The following PBX1 variants were observed in gnomAD, a reference collection of about 807,000 sequenced individuals.
PBX1 encodes pre-B-cell leukemia transcription factor 1.
Under a neutral mutation model 53.4 loss-of-function variants are expected in PBX1, and 6 were observed. The ratio of observed to expected loss-of-function variants is 0.11; its 90% CI spans 0.06 to 0.22. The LOEUF is 0.22. PBX1 is among the 10% of genes least tolerant of loss of function. PBX1 has a pLI of 1.00. For synonymous variants in PBX1, 204 were observed against 212.3 expected (o/e 0.96, Z 0.34); for missense variants, 251 against 551.4 (o/e 0.46, Z 5.46).
At chr1:164,807,718 T>C (rs778836069) in intron 5 of PBX1, 41 bp downstream of exon 5, 1 of 1,606,746 alleles carries the variant, frequency 6.2e-7, no homozygotes, top group Non-Finnish European at 8.5e-7. Context: ...AGCCTGGCCA[T>C]GGCGGGGCCT....
At chr1:164,701,972 G>A (rs1376550575) in intron 2 of PBX1, among the ~76,000 whole-genome samples, 1 of 152,172 alleles carries the variant, frequency 6.6e-6, no homozygotes, top group Non-Finnish European at 1.5e-5. Flanking sequence ...TAGACAAAGT[G>A]CATGAAGGGG....
chr1:164,647,474 C>T (rs1317908588), intron 2 of PBX1, among the ~76,000 whole-genome samples: 1 of 152,144 alleles, frequency 6.6e-6, no homozygotes, highest in Non-Finnish European at 1.5e-5. Flanking sequence ...TGTCAGCCTC[C>T]TCCATGAAAT....
intron 2 of PBX1, among the ~76,000 whole-genome samples, chr1:164,598,480 A>G (rs1044446548): frequency 6.6e-6 from 1 of 152,142 alleles, no homozygotes; most frequent in Non-Finnish European, 1.5e-5. Flanking sequence ...TTGTGGATGG[A>G]TGACTACCGG....
chr1:164,863,877 A>T (rs925466835), intron 2 of PBX1, among the ~76,000 whole-genome samples: 1 of 152,202 alleles, frequency 6.6e-6, no homozygotes, highest in Non-Finnish European at 1.5e-5. Flanking sequence ...CATGCCCCAG[A>T]GCACCTGCAC....
chr1:164,847,947 T>C lies in PBX1; in HGVS notation c.*1271T>C. On this transcript the variant is annotated 3_prime_UTR_variant, in exon 9 of 9. Coordinates refer to ENST00000420696, the MANE Select transcript of PBX1 (RefSeq NM_002585.4). ...AGCCCCATACAGTACTTACAATGTCTTTAATGGACTTGATTCTGTTTAATT... is the reference window on the plus strand; with the variant it reads ...AGCCCCATACAGTACTTACAATGTCCTTAATGGACTTGATTCTGTTTAATT... 1 of 1,052,912 alleles carries C rather than the reference T, an allele frequency of 9.5e-7. No homozygotes were observed. The highest frequency in any genetic ancestry group is 1.1e-6 in the Non-Finnish European group (1 of 871,518). 65.2% of individuals were successfully genotyped at this position (1,052,912 alleles called of 1,614,324 possible).
At position 164,559,264 on chromosome 1, in the gene PBX1, C is replaced by A. The variant is rs530704049; in HGVS notation, c.-559C>A. 1.6e-4 allele frequency: 29 copies of A among 182,712 alleles called. No homozygotes were observed. Among genetic ancestry groups the A allele is most frequent in the African/African-American group, 6.7e-4 (28 of 41,620 alleles). The allele number at this position is 182,712 out of a possible 1,614,324, so 11.3% of individuals were successfully genotyped here. On this transcript the variant is annotated 5_prime_UTR_variant, in exon 1 of 9. Transcript: ENST00000420696. ...AGAGAGCCTGTGCTTTGCCTGCCGC[C>A]GCGGCTGGGGGAGATCTGGCTTTTG...
At chr1:164,561,762 T>C (rs1653065862) in intron 1 of PBX1, among the ~76,000 whole-genome samples, 2 of 152,128 alleles carry the variant, frequency 1.3e-5, no homozygotes, top group Admixed American at 6.6e-5. Context: ...AGATACAATT[T>C]TGGGATGGGG....
chr1:164,744,625 G>A (rs572704598), intron 2 of PBX1, among the ~76,000 whole-genome samples: 1 of 152,284 alleles, frequency 6.6e-6, no homozygotes, highest in African/African-American at 2.4e-5. Context: ...CTAGAAGAGT[G>A]CCTGGCACAG....
At chr1:164,867,826 C>T (rs140990823) in intron 2 of PBX1, among the ~76,000 whole-genome samples, 105 of 152,360 alleles carry the variant, frequency 6.9e-4, no homozygotes, top group African/African-American at 2.2e-3. Flanking sequence ...GCAATATCAG[C>T]GCGGCCCAGC....
chr1:164,559,801 G>A lies in PBX1; in HGVS notation c.-22G>A, dbSNP rs1364129043. The A allele has an allele frequency of 2.0e-6, 3 of 1,527,188 alleles. No homozygotes were observed. The highest frequency in any genetic ancestry group is 2.6e-6 in the Non-Finnish European group (3 of 1,135,222). The allele number at this position is 1,527,188 out of a possible 1,614,324, so 94.6% of individuals were successfully genotyped here. On this transcript the variant is annotated 5_prime_UTR_variant, in exon 1 of 9. Coordinates refer to ENST00000420696, the MANE Select transcript of PBX1 (RefSeq NM_002585.4). ...CCGAGGAGCAGAAGAGGAAGAGCCG[G>A]GGGCTGCCGTAGCCTTTGGAGATGG...
chr1:164,680,408 T>G (rs552007181), intron 2 of PBX1: 1 of 152,222 alleles, frequency 6.6e-6, no homozygotes. Flanking sequence ...AATTTTTGAT[T>G]CAGTGGGTAC....
intron 8 of PBX1, among the ~76,000 whole-genome samples, chr1:164,842,210 G>A (rs1281956608): frequency 6.6e-6 from 1 of 152,148 alleles, no homozygotes; most frequent in Non-Finnish European, 1.5e-5. Flanking sequence ...GGTTCAAGGA[G>A]GGTGGTAGAG....
intron 2 of PBX1, among the ~76,000 whole-genome samples, chr1:164,646,896 G>T (rs1183488055): frequency 1.3e-5 from 2 of 152,170 alleles, no homozygotes; most frequent in Non-Finnish European, 2.9e-5. Flanking sequence ...ACTGCCCACC[G>T]CAAACACATG....
chr1:164,614,118 A>G (rs6672521), intron 2 of PBX1, among the ~76,000 whole-genome samples: 9,846 of 152,228 alleles, frequency 0.065, 854 homozygotes, highest in East Asian at 0.4. Context: ...TCGGGAGGCA[A>G]AGTACAATTC....
chr1:164,792,779 G>T (rs748819934), intron 3 of PBX1, 41 bp downstream of exon 3: 160 of 1,469,834 alleles, frequency 1.1e-4, no homozygotes, highest in Non-Finnish European at 4.9e-5. Context: ...AGGCCCTTTA[G>T]GAAAGGGTGG....
chr1:164,610,445 G>A (rs190725498), intron 2 of PBX1, among the ~76,000 whole-genome samples: 3 of 152,252 alleles, frequency 2.0e-5, no homozygotes, highest in Admixed American at 6.5e-5. Context: ...TAAAAGCAGA[G>A]TTTAGCAGTG....
intron 2 of PBX1, chr1:164,772,886 G>C (rs1667445228): frequency 6.6e-6 from 1 of 152,258 alleles, no homozygotes; most frequent in Non-Finnish European, 1.5e-5. Flanking sequence ...TGCTGACTCA[G>C]ACCCAGAGAG....
At chr1:164,591,165 C>G (rs1174570974) in intron 2 of PBX1, among the ~76,000 whole-genome samples, 1 of 152,130 alleles carries the variant, frequency 6.6e-6, no homozygotes, top group African/African-American at 2.4e-5. Flanking sequence ...GCATGTGTCA[C>G]CATGCCCAGC....
At chr1:164,575,071 A>G (rs1654125940) in intron 2 of PBX1, among the ~76,000 whole-genome samples, 1 of 152,218 alleles carries the variant, frequency 6.6e-6, no homozygotes, top group African/African-American at 2.4e-5. Flanking sequence ...TTTGTGATGG[A>G]ATGCATATGT....
Sources: gnomAD v4.1 joint callset for allele counts (sites outside exome capture counted in the v4.1 genomes callset) on GRCh38, gnomAD v4.1.1 for gene constraint, MANE v1.5 for transcripts, NCBI Gene and HGNC (gene_info 2026-07-23, HGNC 2026-07-21) for gene names.